The following CFAP20DC variants were observed in gnomAD, a reference collection of about 807,000 sequenced individuals.
The protein encoded by CFAP20DC is protein CFAP20DC.
Under a neutral mutation model 101.7 loss-of-function variants are expected in CFAP20DC, and 84 were observed. The ratio of observed to expected loss-of-function variants is 0.83; its 90% CI spans 0.69 to 0.99. The LOEUF is 0.99. Ranked by LOEUF, CFAP20DC falls within the 50% of genes least tolerant of loss-of-function variation. The pLI is 0.00. For missense variants in CFAP20DC, 1,007 were observed against 970.3 expected (o/e 1.04, Z -0.50); for synonymous variants, 359 against 351.2 (o/e 1.02, Z -0.25).
intron 4 of CFAP20DC, among the ~76,000 whole-genome samples, chr3:58,968,547 T>A (rs1048121692): frequency 1.3e-5 from 2 of 152,150 alleles, no homozygotes; most frequent in Non-Finnish European, 2.9e-5. Context: ...TTGCCCACAC[T>A]TTAATGGGGT....
chr3:58,991,242 C>G (rs1400110204), intron 4 of CFAP20DC, among the ~76,000 whole-genome samples: 4 of 152,184 alleles, frequency 2.6e-5, no homozygotes, highest in South Asian at 4.2e-4. Context: ...GTAGTTGAAC[C>G]AAATACTCAT....
intron 15 of CFAP20DC, among the ~76,000 whole-genome samples, chr3:58,769,027 C>T (rs1197466966): frequency 6.6e-6 from 1 of 152,164 alleles, no homozygotes; most frequent in Non-Finnish European, 1.5e-5. Context: ...GTATGAATAC[C>T]AGGGCTGCTG....
chr3:58,931,719 T>G (rs1181894723), intron 5 of CFAP20DC, among the ~76,000 whole-genome samples: 1 of 152,204 alleles, frequency 6.6e-6, no homozygotes, highest in Non-Finnish European at 1.5e-5. Flanking sequence ...GGCTCCTGTC[T>G]GTTAGAAGGA....
At chr3:58,736,181 T>C (rs2067750584) in intron 3 of CFAP20DC, among the ~76,000 whole-genome samples, 1 of 152,202 alleles carries the variant, frequency 6.6e-6, no homozygotes, top group Admixed American at 6.5e-5. Flanking sequence ...GATACTATGC[T>C]TACTAAGATT....
At chr3:58,875,934 G>A (rs1226854107) in intron 7 of CFAP20DC, among the ~76,000 whole-genome samples, 3 of 152,086 alleles carry the variant, frequency 2.0e-5, no homozygotes, top group African/African-American at 7.2e-5. Context: ...GACACCCAGT[G>A]TCTATTAAAG....
At chr3:58,982,524 C>T (rs982798423) in intron 4 of CFAP20DC, among the ~76,000 whole-genome samples, 2 of 151,646 alleles carry the variant, frequency 1.3e-5, no homozygotes, top group African/African-American at 4.8e-5. Flanking sequence ...TACTATGCAG[C>T]CATAAAAAAT....
chr3:58,738,819 A>T (rs1196144517), downstream of CFAP20DC, among the ~76,000 whole-genome samples: 2 of 152,200 alleles, frequency 1.3e-5, no homozygotes, highest in African/African-American at 4.8e-5. The surrounding 1 kb of genome is among the most constrained non-coding windows in gnomAD (Gnocchi z 4.4). Context: ...CACAGGGTGT[A>T]ACCTGGAACA....
downstream of CFAP20DC, among the ~76,000 whole-genome samples, chr3:58,716,895 G>GGCCCACTAGGCATT (rs2067406800): frequency 6.6e-6 from 1 of 152,194 alleles, no homozygotes; most frequent in South Asian, 2.1e-4. Flanking sequence ...AATCCAAATA[G>GGCCCACTAGGCATT]GCCCACTAGG....
rs543622226 is a variant in CFAP20DC at position 58,743,268 on chromosome 3, A to G, written c.2333-696T>C. ...TGCTGGCTTCCAACAAATGGCATGA[A>G]ATGAAAAAAAAAAAACAACTGTTCT... On this transcript the variant is annotated intron_variant, in intron 16 of 16. Coordinates refer to ENST00000482387, the MANE Select transcript of CFAP20DC (RefSeq NM_001394063.1). Among the ~76,000 whole-genome samples, 29 of 149,698 alleles carry G rather than the reference A, an allele frequency of 1.9e-4. 1 individual carries two copies. The East Asian group carries it at 5.4e-3, about 28-fold the overall frequency.
At chr3:58,800,365 C>T (rs1460070696) in intron 15 of CFAP20DC, among the ~76,000 whole-genome samples, 1 of 152,172 alleles carries the variant, frequency 6.6e-6, no homozygotes, top group African/African-American at 2.4e-5. Flanking sequence ...TTGAAGGGAA[C>T]ACTTGCTGAG....
At chr3:58,758,521 T>A (rs903046140) in intron 15 of CFAP20DC, among the ~76,000 whole-genome samples, 6 of 152,126 alleles carry the variant, frequency 3.9e-5, no homozygotes, top group South Asian at 4.2e-4. Flanking sequence ...TCCTCAGCTC[T>A]GACTATAATC....
intron 4 of CFAP20DC, among the ~76,000 whole-genome samples, chr3:59,031,911 G>C (rs2094002651): frequency 6.6e-6 from 1 of 152,154 alleles, no homozygotes; most frequent in South Asian, 2.1e-4. Flanking sequence ...CTGGCAATAT[G>C]GCTGAATAGG....
rs1321124635 is a variant in CFAP20DC, at chr3:58,859,569, C to T, written c.1593+3989G>A. 1.3e-5 allele frequency among the ~76,000 whole-genome samples: 2 copies of T among 152,108 alleles called. No homozygotes were observed. Among genetic ancestry groups the T allele is most frequent in the African/African-American group, 4.8e-5 (2 of 41,416 alleles). On this transcript the variant is annotated intron_variant, in intron 12 of 16. Coordinates refer to ENST00000482387, the MANE Select transcript of CFAP20DC (RefSeq NM_001394063.1). This position sits in a 1 kb window ranked among gnomAD's most constrained non-coding sequence, Gnocchi z 4.1. ...AAGCCAAGTCACAAGGACCAAGAGA[C>T]CTGTGACTTTTTCAGAGAAGAGCTT...
chr3:58,965,762 CTCCTA>C (rs2091478023), intron 4 of CFAP20DC, among the ~76,000 whole-genome samples: 1 of 152,116 alleles, frequency 6.6e-6, no homozygotes, highest in Non-Finnish European at 1.5e-5. Context: ...TTCAAATAGA[CTCCTA>C]TACATAAAGT....
At chr3:58,801,050 T>TGAGAGAGAGAGA (rs143776206) in intron 15 of CFAP20DC, among the ~76,000 whole-genome samples, 5,069 of 131,352 alleles carry the variant, frequency 0.039, 184 homozygotes, top group East Asian at 0.25. Context: ...GGGGAGTAAG[T>TGAGAGAGAGAGA]GAGAGAGAGA....
At chr3:58,842,260 C>T (rs1158317756) in intron 13 of CFAP20DC, among the ~76,000 whole-genome samples, 5 of 152,280 alleles carry the variant, frequency 3.3e-5, no homozygotes, top group East Asian at 3.9e-4. Flanking sequence ...GTACCGGGTT[C>T]ATCTCACTAG....
rs77059051 is a variant in CFAP20DC at position 58,951,996 on chromosome 3, C to G, written c.279-14234G>C. 1.1e-3 allele frequency among the ~76,000 whole-genome samples: 163 copies of G among 152,308 alleles called. 2 individuals are homozygous for G. The East Asian group carries it at 0.03, about 28-fold the overall frequency. Reference sequence around the variant, plus strand: ...CTCATGTTAACTTCCACAAAAACGTCTGAGTGCCCCGAAAGGCTGGGCAAT... The same window carrying G: ...CTCATGTTAACTTCCACAAAAACGTGTGAGTGCCCCGAAAGGCTGGGCAAT... On this transcript the variant is annotated intron_variant, in intron 4 of 16. Transcript: ENST00000482387.
intron 15 of CFAP20DC, among the ~76,000 whole-genome samples, chr3:58,757,597 T>G (rs2069085491): frequency 6.6e-6 from 1 of 152,152 alleles, no homozygotes; most frequent in Non-Finnish European, 1.5e-5. Context: ...TTATAAAGCC[T>G]TTCCCTACAA....
intron 6 of CFAP20DC, among the ~76,000 whole-genome samples, chr3:58,893,007 C>T (rs1174876928): frequency 6.6e-6 from 1 of 150,688 alleles, no homozygotes; most frequent in Non-Finnish European, 1.5e-5. Flanking sequence ...TGTGTTTCTT[C>T]AACACCTGGT....
Sources: allele counts gnomAD v4.1 joint callset (sites outside exome capture counted in the v4.1 genomes callset), GRCh38; gene constraint gnomAD v4.1.1; non-coding constraint Gnocchi (gnomAD v3.1); transcripts MANE v1.5; gene names NCBI Gene and HGNC (gene_info 2026-07-23, HGNC 2026-07-21).